EIF2B3: variants seen among roughly 807,000 people sequenced by gnomAD.
The protein encoded by EIF2B3 is eukaryotic translation initiation factor 2B subunit gamma, also known as translation initiation factor eIF2B subunit gamma.
In EIF2B3, 20 loss-of-function variants were observed where a neutral mutation model predicts 54.1. The observed-to-expected ratio is 0.37, with a 90% confidence interval of 0.26 to 0.54. EIF2B3 has a LOEUF of 0.54. Ranked by LOEUF, EIF2B3 falls within the 20% of genes least tolerant of loss-of-function variation. The pLI is 0.86. For missense variants in EIF2B3, 448 were observed against 547.8 expected (o/e 0.82, Z 1.82); for synonymous variants, 153 against 188.1 (o/e 0.81, Z 1.52).
rs1181606287 is a variant in EIF2B3 at position 44,919,906 on chromosome 1, G to C, written c.566+6722C>G. ...TACTTTTTTTTTTTTTTTTTTAGTA[G>C]ATATGGAGTTTCTCCATGTTGGCCA... On this transcript the variant is annotated intron_variant, in intron 5 of 11. Transcript: ENST00000360403. 2.8e-5 allele frequency among the ~76,000 whole-genome samples: 3 copies of C among 106,312 alleles called. 1 individual carries two copies. Among genetic ancestry groups the C allele is most frequent in the African/African-American group, 9.8e-5 (3 of 30,618 alleles). The allele number at this position is 106,312 out of a possible 152,430, so 69.7% of individuals were successfully genotyped here.
At chr1:44,897,822 C>T (rs771704743) in intron 5 of EIF2B3, among the ~76,000 whole-genome samples, 20 of 150,934 alleles carry the variant, frequency 1.3e-4, no homozygotes, top group Non-Finnish European at 3.0e-4. Flanking sequence ...CTGCAAGCTC[C>T]GTCTCCCAGG....
chr1:44,936,317 T>C (rs373966727), intron 4 of EIF2B3, among the ~76,000 whole-genome samples: 1 of 151,702 alleles, frequency 6.6e-6, no homozygotes, highest in Non-Finnish European at 1.5e-5. Context: ...CAGTAGCTCA[T>C]GGCTGTAATC....
At chr1:44,983,374 C>A (rs553305871) in intron 1 of EIF2B3, among the ~76,000 whole-genome samples, 1 of 152,302 alleles carries the variant, frequency 6.6e-6, no homozygotes, top group South Asian at 2.1e-4. Flanking sequence ...CTGGGCCCAG[C>A]ACATCAACAT....
intron 6 of EIF2B3, among the ~76,000 whole-genome samples, chr1:44,896,472 C>A (rs775347790): frequency 6.6e-6 from 1 of 152,154 alleles, no homozygotes; most frequent in Non-Finnish European, 1.5e-5. Flanking sequence ...AGTCCATCAG[C>A]CAAAGGCAGA....
Position 44,881,857 on chromosome 1 carries a change from G to A in EIF2B3, c.657-118C>T. On this transcript the variant is annotated intron_variant, in intron 6 of 11. Transcript: ENST00000360403. The surrounding 1 kb of genome is among the most constrained non-coding windows in gnomAD (Gnocchi z 4.0). ...TTTCCTGTCATGGCACCTTGGGACT[G>A]TCAGAGATCAAATGTGGCATTGACT... 1 of 1,372,866 alleles carries A rather than the reference G, an allele frequency of 7.3e-7. No individual in the cohort carries two copies. The highest frequency in any genetic ancestry group is 1.2e-5 in the South Asian group (1 of 83,196). 85.0% of individuals were successfully genotyped at this position (1,372,866 alleles called of 1,614,324 possible).
intron 3 of EIF2B3, among the ~76,000 whole-genome samples, chr1:44,941,982 T>C (rs1644029267): frequency 6.6e-6 from 1 of 152,120 alleles, no homozygotes; most frequent in Non-Finnish European, 1.5e-5. Context: ...GAATATATGA[T>C]CTTATATTTA....
rs193029223 is a variant in EIF2B3, at chr1:44,941,035, C to T, written c.454+471G>A. 1.1e-3 allele frequency among the ~76,000 whole-genome samples: 170 copies of T among 151,604 alleles called. 1 individual carries two copies. The East Asian group carries it at 0.026, about 23-fold the overall frequency. ...CTGAGTAGCTGGGATTACAGGCACA[C>T]GCCACCACGCCCAGCTAATTTTTGT... On this transcript the variant is annotated intron_variant, in intron 4 of 11. Coordinates refer to ENST00000360403, the MANE Select transcript of EIF2B3 (RefSeq NM_020365.5).
intron 1 of EIF2B3, among the ~76,000 whole-genome samples, chr1:44,985,723 T>C (rs1318801015): frequency 2.0e-5 from 3 of 152,230 alleles, no homozygotes; most frequent in Non-Finnish European, 4.4e-5. Flanking sequence ...TAACTAATCA[T>C]GCTACCAGGC....
chr1:44,864,859 G>C (rs571219481), intron 10 of EIF2B3, among the ~76,000 whole-genome samples: 1 of 152,178 alleles, frequency 6.6e-6, no homozygotes. Flanking sequence ...GGTCACAAAT[G>C]TTTCCCTTCT....
At chr1:44,860,868 A>T (rs537412764) in intron 10 of EIF2B3, among the ~76,000 whole-genome samples, 1 of 152,306 alleles carries the variant, frequency 6.6e-6, no homozygotes, top group Non-Finnish European at 1.5e-5. Flanking sequence ...CCCAAGAGGC[A>T]TGAGGGGGTG....
intron 5 of EIF2B3, among the ~76,000 whole-genome samples, chr1:44,921,034 T>C (rs12411070): frequency 0.17 from 25,846 of 152,156 alleles, 2,305 homozygotes; most frequent in Non-Finnish European, 0.18. Flanking sequence ...CCCCTTTCTC[T>C]ACAACCTTGC....
intron 4 of EIF2B3, among the ~76,000 whole-genome samples, chr1:44,934,224 C>A (rs1261292974): frequency 6.6e-6 from 1 of 151,760 alleles, no homozygotes; most frequent in African/African-American, 2.4e-5. Flanking sequence ...GGTAAAACCT[C>A]GTCTTTACTA....
intron 8 of EIF2B3, among the ~76,000 whole-genome samples, chr1:44,877,211 A>AAAAAAAAAC (rs1655217983): frequency 1.3e-5 from 2 of 148,922 alleles, no homozygotes; most frequent in South Asian, 2.1e-4. Flanking sequence ...AAAAAAAAAA[A>AAAAAAAAAC]AAAAAAAAAA....
intron 3 of EIF2B3, among the ~76,000 whole-genome samples, chr1:44,977,264 A>T (rs568966015): frequency 6.6e-6 from 1 of 152,162 alleles, no homozygotes; most frequent in Non-Finnish European, 1.5e-5. Flanking sequence ...TCTCATATCT[A>T]TGTGCTCCTT....
Position 44,935,976 on chromosome 1 carries a change from C to G in EIF2B3, c.454+5530G>C, listed in dbSNP as rs1447346406. On this transcript the variant is annotated intron_variant, in intron 4 of 11. Transcript: ENST00000360403. ...TTTTCTGTTTCTATAGCCTTGGTGCCTAGTTCAGGAGTTGGCATAATACAT... is the reference window on the plus strand; with the variant it reads ...TTTTCTGTTTCTATAGCCTTGGTGCGTAGTTCAGGAGTTGGCATAATACAT... Among the ~76,000 whole-genome samples, 3 of 150,986 alleles carry G rather than the reference C, an allele frequency of 2.0e-5. No individual in the cohort carries two copies. In the East Asian group the frequency reaches 5.9e-4, roughly 29 times the overall value.
intron 5 of EIF2B3, among the ~76,000 whole-genome samples, chr1:44,898,146 G>A: frequency 6.6e-6 from 1 of 151,830 alleles, no homozygotes; most frequent in Non-Finnish European, 1.5e-5. Context: ...TCCACAATTT[G>A]GTATGTATTC....
chr1:44,910,615 A>C (rs961165657), intron 5 of EIF2B3, among the ~76,000 whole-genome samples: 6,069 of 60,516 alleles, frequency 0.1, no homozygotes, highest in Admixed American at 0.16. Context: ...ATCCCTCCCC[A>C]CCCCCCCAAG....
rs564690230 is a variant in EIF2B3 at position 44,902,217 on chromosome 1, G to A, written c.567-4773C>T. On this transcript the variant is annotated intron_variant, in intron 5 of 11. Transcript: ENST00000360403. ...CTTGACTACCATAGCTTTATAGTAAGTTTTGAGCTTGGGAAGCATAATTTC... is the reference window on the plus strand; with the variant it reads ...CTTGACTACCATAGCTTTATAGTAAATTTTGAGCTTGGGAAGCATAATTTC... Among the ~76,000 whole-genome samples the A allele has an allele frequency of 3.3e-5, 5 of 152,300 alleles. No homozygotes were observed. The South Asian group carries it at 1.0e-3, about 32-fold the overall frequency.
intron 1 of EIF2B3, among the ~76,000 whole-genome samples, chr1:44,983,709 TA>T (rs201678108): frequency 2.7e-5 from 4 of 149,908 alleles, no homozygotes; most frequent in African/African-American, 2.5e-5. Flanking sequence ...CTGTCTCTAC[TA>T]AAAAAAAATT....
Sources: allele counts gnomAD v4.1 joint callset (sites outside exome capture counted in the v4.1 genomes callset), GRCh38; gene constraint gnomAD v4.1.1; non-coding constraint Gnocchi (gnomAD v3.1); transcripts MANE v1.5; gene names NCBI Gene and HGNC (gene_info 2026-07-23, HGNC 2026-07-21).